The following MLLT10 variants were observed in gnomAD, a reference collection of about 807,000 sequenced individuals.
MLLT10 encodes the protein protein AF-10.
A neutral mutation model predicts 129.1 loss-of-function variants in MLLT10; 30 were observed. The observed-to-expected ratio is 0.23, with a 90% CI of 0.17 to 0.32. MLLT10 has a LOEUF of 0.32. Among genes scored for constraint, MLLT10 ranks in the 10% least tolerant of loss-of-function variants. The pLI is 1.00. For synonymous variants in MLLT10, 490 were observed against 446.4 expected (o/e 1.10, Z -1.23); for missense variants, 1,119 against 1,268.3 (o/e 0.88, Z 1.79).
chr10:21,665,055 C>T lies in MLLT10; in HGVS notation c.796-5394C>T, dbSNP rs371217735. 4.0e-5 allele frequency among the ~76,000 whole-genome samples: 6 copies of T among 150,412 alleles called. No homozygotes were observed. In the East Asian group the frequency reaches 5.9e-4, roughly 15 times the overall value. On this transcript the variant is annotated intron_variant, in intron 9 of 22. Coordinates refer to ENST00000307729, the MANE Select transcript of MLLT10 (RefSeq NM_001195626.3). Reference sequence around the variant, plus strand: ...CTGCCTCCTGGGTTCAAGTGATTCTCCTGCCTCAGACTTCCAAGTAGCTGG... The same window carrying T: ...CTGCCTCCTGGGTTCAAGTGATTCTTCTGCCTCAGACTTCCAAGTAGCTGG...
intron 13 of MLLT10, among the ~76,000 whole-genome samples, chr10:21,689,661 ATTTTT>A (rs58409865): frequency 7.6e-6 from 1 of 132,366 alleles, no homozygotes; most frequent in Non-Finnish European, 1.6e-5. Flanking sequence ...ATATATATAT[ATTTTT>A]TTTTTCTTGG....
chr10:21,596,738 C>T (rs1174688754), intron 5 of MLLT10, among the ~76,000 whole-genome samples: 1 of 151,134 alleles, frequency 6.6e-6, no homozygotes, highest in Non-Finnish European at 1.5e-5. Flanking sequence ...TGTTAATTGA[C>T]CTTCCATATC....
intron 21 of MLLT10, among the ~76,000 whole-genome samples, chr10:21,737,679 G>A (rs1166346494): frequency 6.6e-6 from 1 of 152,140 alleles, no homozygotes; most frequent in Non-Finnish European, 1.5e-5. Context: ...AGGGGAGAAA[G>A]TATGGACCGA....
At chr10:21,582,790 C>T (rs768923404) in intron 3 of MLLT10, among the ~76,000 whole-genome samples, 24 of 152,270 alleles carry the variant, frequency 1.6e-4, no homozygotes, top group Non-Finnish European at 2.6e-4. Context: ...AGGTGTCTTG[C>T]GTGAGCAATG....
chr10:21,600,364 A>G (rs1393106932), intron 5 of MLLT10, among the ~76,000 whole-genome samples: 2 of 142,594 alleles, frequency 1.4e-5, no homozygotes, highest in Non-Finnish European at 3.0e-5. Flanking sequence ...CTTTCCTGAG[A>G]TAGAACACAC....
intron 13 of MLLT10, among the ~76,000 whole-genome samples, chr10:21,706,208 T>G (rs1197335599): frequency 6.6e-6 from 1 of 152,226 alleles, no homozygotes; most frequent in Non-Finnish European, 1.5e-5. Context: ...CTCTCAATCC[T>G]ATTTAATTCA....
Position 21,534,337 on chromosome 10 carries a change from G to C in MLLT10, c.-184G>C, listed in dbSNP as rs2033381985. On this transcript the variant is annotated 5_prime_UTR_variant, in exon 1 of 23. Transcript: ENST00000307729. ...CCTCCCCCCAGTGCGCCTGTGCGGA[G>C]GCCCTCTTGATTATGTGTGCCCTCT... is the stretch of plus-strand genomic sequence containing the variant. The C allele has an allele frequency of 5.0e-6, 2 of 402,440 alleles. No individual in the cohort carries two copies. The highest frequency in any genetic ancestry group is 8.8e-6 in the Non-Finnish European group (2 of 227,490). 24.9% of individuals were successfully genotyped at this position (402,440 alleles called of 1,614,324 possible).
intron 3 of MLLT10, 30 bp downstream of exon 3, chr10:21,538,942 T>C (rs1328483280): frequency 6.5e-7 from 1 of 1,527,574 alleles, no homozygotes; most frequent in Admixed American, 1.7e-5. Flanking sequence ...AACATTAAAC[T>C]TTAGTGAGTA....
Position 21,741,933 on chromosome 10 carries a change from C to T in MLLT10, c.3163-6C>T, listed in dbSNP as rs370562101. On this transcript the variant is annotated splice_polypyrimidine_tract_variant and splice_region_variant and intron_variant, in intron 22 of 22. Coordinates refer to ENST00000307729, the MANE Select transcript of MLLT10 (RefSeq NM_001195626.3). ...CTAACGCATCTGCTCTTTTGTTTAC[C>T]TGCAGAGACTTAGTGATAAAACTGG... 18 of 1,610,264 alleles carry T rather than the reference C, an allele frequency of 1.1e-5. No individual in the cohort carries two copies. In the African/African-American group the frequency reaches 1.9e-4, roughly 17 times the overall value.
chr10:21,561,501 C>T (rs1308068325), intron 3 of MLLT10, among the ~76,000 whole-genome samples: 3 of 152,212 alleles, frequency 2.0e-5, no homozygotes, highest in African/African-American at 4.8e-5. Flanking sequence ...CCTCGTGATC[C>T]GCCCACCTCG....
At chr10:21,576,900 G>A (rs904236434) in intron 3 of MLLT10, among the ~76,000 whole-genome samples, 5 of 152,222 alleles carry the variant, frequency 3.3e-5, no homozygotes, top group African/African-American at 9.6e-5. Flanking sequence ...TAAAGTGCTG[G>A]GGTTACAGGC....
intron 5 of MLLT10, among the ~76,000 whole-genome samples, chr10:21,597,353 T>G (rs2043119200): frequency 6.6e-6 from 1 of 152,200 alleles, no homozygotes; most frequent in Non-Finnish European, 1.5e-5. Flanking sequence ...GCATTTTGAC[T>G]CTTTGGTCTT....
At chr10:21,604,192 G>C (rs1023711246) in intron 5 of MLLT10, among the ~76,000 whole-genome samples, 7 of 152,144 alleles carry the variant, frequency 4.6e-5, no homozygotes, top group Non-Finnish European at 1.0e-4. Flanking sequence ...AACTCTGTAA[G>C]TAAGTCTCAC....
intron 3 of MLLT10, among the ~76,000 whole-genome samples, chr10:21,551,057 G>T (rs1283117319): frequency 6.6e-6 from 1 of 151,476 alleles, no homozygotes; most frequent in African/African-American, 2.4e-5. Flanking sequence ...CTCCTGAGTA[G>T]CTGGGATTAC....
intron 3 of MLLT10, among the ~76,000 whole-genome samples, chr10:21,561,673 C>G (rs956444992): frequency 7.9e-5 from 12 of 152,182 alleles, no homozygotes; most frequent in African/African-American, 2.9e-4. Flanking sequence ...GTTTTCCCAG[C>G]ATTATTTGTT....
At chr10:21,560,150 C>A (rs761745084) in intron 3 of MLLT10, among the ~76,000 whole-genome samples, 16 of 152,200 alleles carry the variant, frequency 1.1e-4, no homozygotes, top group Non-Finnish European at 1.6e-4. Context: ...GGATTACAGG[C>A]GTGCGCCACC....
At chr10:21,556,339 C>T (rs2037958664) in intron 3 of MLLT10, among the ~76,000 whole-genome samples, 2 of 152,160 alleles carry the variant, frequency 1.3e-5, no homozygotes, top group Non-Finnish European at 2.9e-5. Context: ...TAGACTTCAT[C>T]ATAAGTGATC....
chr10:21,686,702 G>T (rs1031736489), intron 13 of MLLT10, among the ~76,000 whole-genome samples: 2 of 152,134 alleles, frequency 1.3e-5, no homozygotes, highest in African/African-American at 4.8e-5. Context: ...TTTCCTTGGG[G>T]CCGTGCATGG....
intron 9 of MLLT10, among the ~76,000 whole-genome samples, chr10:21,658,452 A>G (rs1007789420): frequency 2.0e-5 from 3 of 152,214 alleles, no homozygotes; most frequent in African/African-American, 7.2e-5. Flanking sequence ...TTTTTTGGCT[A>G]ACCACAATTG....
Sources: allele counts gnomAD v4.1 joint callset (sites outside exome capture counted in the v4.1 genomes callset), GRCh38; gene constraint gnomAD v4.1.1; transcripts MANE v1.5; gene names NCBI Gene and HGNC (gene_info 2026-07-23, HGNC 2026-07-21).